ANO4: variants seen among roughly 807,000 people sequenced by gnomAD.
The protein encoded by ANO4 is anoctamin 4.
Under a neutral mutation model 141.9 loss-of-function variants are expected in ANO4, and 69 were observed. The ratio of observed to expected loss-of-function variants is 0.49; its 90% CI spans 0.40 to 0.59. ANO4 has a LOEUF of 0.59. Ranked by LOEUF, ANO4 falls within the 20% of genes least tolerant of loss-of-function variation. The pLI is 0.00. For missense variants in ANO4, 894 were observed against 1,162.2 expected, an observed-to-expected ratio of 0.77 and a Z score of 3.36; for synonymous variants, 350 against 394.3, an observed-to-expected ratio of 0.89 and a Z score of 1.33.
chr12:100,776,170 T>C (rs1040351105), intron 3 of ANO4, among the ~76,000 whole-genome samples: 1 of 152,144 alleles, frequency 6.6e-6, no homozygotes, highest in African/African-American at 2.4e-5. Flanking sequence ...AAGTAACCTG[T>C]CCAGTTTTCA....
chr12:100,862,278 G>C (rs909519934), intron 1 of ANO4, among the ~76,000 whole-genome samples: 2 of 152,038 alleles, frequency 1.3e-5, no homozygotes, highest in African/African-American at 2.4e-5. Context: ...ACAATAAAAA[G>C]TGTAGTACAG....
chr12:100,971,299 G>T lies in ANO4; in HGVS notation c.457-7G>T, dbSNP rs768717256. The T allele has an allele frequency of 1.9e-6, 3 of 1,591,298 alleles. No homozygotes were observed. The highest frequency in any genetic ancestry group is 2.6e-6 in the Non-Finnish European group (3 of 1,163,096). On this transcript the variant is annotated splice_polypyrimidine_tract_variant and splice_region_variant and intron_variant, in intron 5 of 27. Coordinates refer to ENST00000392977, the MANE Select transcript of ANO4 (RefSeq NM_001286615.2). ...CTTTTCAATTTAGTTTCTTTTTTCTGTTTCAGTCCTCTCTAATAAATAGTG... is the reference window on the plus strand; with the variant it reads ...CTTTTCAATTTAGTTTCTTTTTTCTTTTTCAGTCCTCTCTAATAAATAGTG...
At chr12:101,045,850 G>A (rs1270213315) in intron 13 of ANO4, among the ~76,000 whole-genome samples, 1 of 152,188 alleles carries the variant, frequency 6.6e-6, no homozygotes, top group Non-Finnish European at 1.5e-5. Context: ...TTGGCTCCAG[G>A]CTTACGTTTT....
intron 1 of ANO4, among the ~76,000 whole-genome samples, chr12:100,839,194 T>C (rs1231786372): frequency 6.6e-6 from 1 of 152,198 alleles, no homozygotes; most frequent in Non-Finnish European, 1.5e-5. Flanking sequence ...ATATCATTGC[T>C]TTTGATTGTG....
intron 1 of ANO4, chr12:100,733,711 A>G: frequency 1.5e-6 from 1 of 668,098 alleles, no homozygotes; most frequent in Non-Finnish European, 2.7e-6. Context: ...TCATATATTT[A>G]CATTGTGGTC....
At chr12:100,919,524 A>G (rs1051030346) in intron 2 of ANO4, among the ~76,000 whole-genome samples, 2 of 152,160 alleles carry the variant, frequency 1.3e-5, no homozygotes, top group Non-Finnish European at 2.9e-5. Flanking sequence ...AGGCTGCACC[A>G]TGTAACCTAG....
chr12:101,037,150 G>A lies in ANO4; in HGVS notation c.897G>A (p.Glu299=). 6.2e-7 allele frequency: 1 copy of A among 1,613,790 alleles called. No homozygotes were observed. Among genetic ancestry groups the A allele is most frequent in the Non-Finnish European group, 8.5e-7 (1 of 1,179,792 alleles). The change falls in exon 10 of 28, where the codon GAG becomes GAA. Residue 299 remains glutamate (E), a splice_region_variant and synonymous_variant. Transcript: ENST00000392977. ...ATGAAGCTGCGTTTCCCCTGCATGA[G>A]GTATTGTGCTGTCTTTAATCTTTAT... ...GSYEAAFPLH[E]GSYRSKNSIR...
intron 1 of ANO4, among the ~76,000 whole-genome samples, chr12:100,728,756 C>T (rs2031248438): frequency 6.6e-6 from 1 of 152,110 alleles, no homozygotes; most frequent in Non-Finnish European, 1.5e-5. Context: ...GGTACTTTTA[C>T]AGAATTTGTA....
chr12:100,993,454 A>G (rs1301040585), intron 8 of ANO4, among the ~76,000 whole-genome samples: 1 of 152,166 alleles, frequency 6.6e-6, no homozygotes, highest in Non-Finnish European at 1.5e-5. Flanking sequence ...GTGAGGAACA[A>G]AATGGTCAAA....
rs185900512 is a variant in ANO4 at position 101,029,556 on chromosome 12, C to T, written c.842-7539C>T. Among the ~76,000 whole-genome samples the T allele has an allele frequency of 3.0e-4, 45 of 152,042 alleles. No homozygotes were observed. The East Asian group carries it at 8.5e-3, about 29-fold the overall frequency. ...CATCTCTGACAAAACAGACTTTAAA[C>T]CAATGAAGATCAAAAAAGACAAGGT... is the stretch of plus-strand genomic sequence containing the variant. On this transcript the variant is annotated intron_variant, in intron 9 of 27. Coordinates refer to ENST00000392977, the MANE Select transcript of ANO4 (RefSeq NM_001286615.2).
At chr12:100,921,740 CG>C (rs2041641004) in intron 2 of ANO4, among the ~76,000 whole-genome samples, 1 of 152,000 alleles carries the variant, frequency 6.6e-6, no homozygotes, top group African/African-American at 2.4e-5. Flanking sequence ...AATGATGAAT[CG>C]GGGAGGTCTA....
intron 14 of ANO4, among the ~76,000 whole-genome samples, chr12:101,076,684 C>T (rs759452400): frequency 5.9e-5 from 9 of 152,144 alleles, no homozygotes; most frequent in Non-Finnish European, 1.0e-4. Context: ...CTGAGGCTGT[C>T]CCAGAATGGT....
At chr12:101,014,456 G>T (rs2046232945) in intron 8 of ANO4, among the ~76,000 whole-genome samples, 1 of 152,134 alleles carries the variant, frequency 6.6e-6, no homozygotes, top group Non-Finnish European at 1.5e-5. Flanking sequence ...GCCCTGGTCT[G>T]CCCATTACTT....
intron 8 of ANO4, among the ~76,000 whole-genome samples, chr12:100,991,272 A>G (rs2045088567): frequency 6.6e-6 from 1 of 152,142 alleles, no homozygotes; most frequent in Admixed American, 6.5e-5. Context: ...ATCAGAAAAG[A>G]ATTCCCTAAG....
intron 10 of ANO4, among the ~76,000 whole-genome samples, 172 bp downstream of exon 10, chr12:101,037,322 G>C (rs1259180640): frequency 1.3e-5 from 2 of 152,084 alleles, no homozygotes; most frequent in Non-Finnish European, 2.9e-5. Flanking sequence ...CCTCAGCATA[G>C]ACTTATTTCT....
intron 1 of ANO4, among the ~76,000 whole-genome samples, chr12:100,901,158 G>A (rs2040574774): frequency 6.6e-6 from 1 of 152,286 alleles, no homozygotes; most frequent in Admixed American, 6.5e-5. Context: ...GTTGACACTG[G>A]TTGATGAGTA....
At chr12:101,021,260 G>GC (rs980273381) in intron 9 of ANO4, among the ~76,000 whole-genome samples, 5 of 152,172 alleles carry the variant, frequency 3.3e-5, no homozygotes, top group Non-Finnish European at 7.4e-5. Context: ...ACTCTGTGAA[G>GC]CCCCCCAAGG....
chr12:100,914,326 C>T (rs1487599781), intron 2 of ANO4, among the ~76,000 whole-genome samples: 2 of 152,220 alleles, frequency 1.3e-5, no homozygotes, highest in Non-Finnish European at 2.9e-5. Context: ...ATGTGGTTCT[C>T]CCATCAGGAC....
chr12:100,977,886 C>T (rs1028930609), intron 7 of ANO4, among the ~76,000 whole-genome samples: 13 of 152,200 alleles, frequency 8.5e-5, no homozygotes, highest in African/African-American at 2.2e-4. Context: ...TTTGCTCCAT[C>T]CATATTGAGC....
Sources: gnomAD v4.1 joint callset for allele counts (sites outside exome capture counted in the v4.1 genomes callset) on GRCh38, gnomAD v4.1.1 for gene constraint, MANE v1.5 for transcripts, NCBI Gene and HGNC (gene_info 2026-07-23, HGNC 2026-07-21) for gene names.